Variants in ITFG1 observed in about 807,000 individuals in gnomAD.
The protein encoded by ITFG1 is integrin alpha FG-GAP repeat containing 1.
Under a neutral mutation model 81.8 loss-of-function variants are expected in ITFG1, and 34 were observed. The ratio of observed to expected loss-of-function variants is 0.42; its 90% CI spans 0.32 to 0.55. The LOEUF is 0.55. Ranked by LOEUF, ITFG1 falls within the 20% of genes least tolerant of loss-of-function variation. The pLI is 0.17. For missense variants in ITFG1, 672 were observed against 755.4 expected (o/e 0.89, Z 1.29); for synonymous variants, 285 against 270.6 (o/e 1.05, Z -0.52).
chr16:47,457,621 G>A (rs1294075227), intron 2 of ITFG1, among the ~76,000 whole-genome samples: 1 of 151,836 alleles, frequency 6.6e-6, no homozygotes, highest in Non-Finnish European at 1.5e-5. Flanking sequence ...GGAGAATAAG[G>A]GTGAAGAATA....
intron 6 of ITFG1, among the ~76,000 whole-genome samples, chr16:47,385,161 AC>A (rs1857448939): frequency 6.6e-6 from 1 of 152,224 alleles, no homozygotes; most frequent in South Asian, 2.1e-4. Flanking sequence ...CCAACACGTG[AC>A]ATTGTGTTTA....
chr16:47,368,578 AAAAAAAAG>A (rs1968209492), intron 7 of ITFG1, among the ~76,000 whole-genome samples: 1 of 150,526 alleles, frequency 6.6e-6, no homozygotes, highest in South Asian at 2.1e-4. Flanking sequence ...AAAAAAAAAA[AAAAAAAAG>A]ATCACAGCAT....
At chr16:47,445,456 T>C (rs192877200) in intron 5 of ITFG1, among the ~76,000 whole-genome samples, 50 of 152,274 alleles carry the variant, frequency 3.3e-4, no homozygotes, top group Non-Finnish European at 6.3e-4. Context: ...ATTCTAGAAG[T>C]TGACATGCTT....
chr16:47,185,750 A>G (rs1184846854), intron 14 of ITFG1, among the ~76,000 whole-genome samples: 13 of 152,240 alleles, frequency 8.5e-5, no homozygotes, highest in African/African-American at 2.7e-4. Context: ...GGTAAGAAAT[A>G]ACTAAAATCA....
At chr16:47,207,912 C>T (rs750569703) in intron 14 of ITFG1, among the ~76,000 whole-genome samples, 2 of 151,958 alleles carry the variant, frequency 1.3e-5, no homozygotes, top group African/African-American at 4.8e-5. Context: ...TAAATGCTTA[C>T]GAGATGAATT....
chr16:47,289,164 G>A (rs1026624601), intron 10 of ITFG1, among the ~76,000 whole-genome samples: 7 of 152,114 alleles, frequency 4.6e-5, no homozygotes, highest in African/African-American at 1.7e-4. Flanking sequence ...TTATTGAATT[G>A]TATAGTTTAG....
chr16:47,299,817 C>G (rs540716943), intron 10 of ITFG1: 8 of 152,366 alleles, frequency 5.3e-5, no homozygotes, highest in African/African-American at 1.9e-4. Context: ...CTGTGGCTCC[C>G]AGGTGAAACC....
At chr16:47,264,735 C>A (rs1398189515) in intron 10 of ITFG1, among the ~76,000 whole-genome samples, 1 of 152,092 alleles carries the variant, frequency 6.6e-6, no homozygotes, top group Non-Finnish European at 1.5e-5. Context: ...TTATTTCCAA[C>A]AATGTATGAG....
chr16:47,355,942 G>A (rs188270584), intron 8 of ITFG1, among the ~76,000 whole-genome samples: 1 of 152,276 alleles, frequency 6.6e-6, no homozygotes, highest in Admixed American at 6.5e-5. Flanking sequence ...AAAACACATG[G>A]TTCTAAAAGC....
intron 10 of ITFG1, chr16:47,263,121 T>G (rs1435580672): frequency 4.0e-6 from 1 of 248,588 alleles, no homozygotes; most frequent in Non-Finnish European, 8.6e-6. Context: ...GCCTCCAAGC[T>G]GCCTGACAAC....
At chr16:47,322,970 G>C (rs1405647668) in intron 8 of ITFG1, among the ~76,000 whole-genome samples, 2 of 148,482 alleles carry the variant, frequency 1.3e-5, no homozygotes, top group African/African-American at 2.6e-5. Context: ...TTATTGTTCT[G>C]ATTGATATAA....
chr16:47,336,001 T>C (rs573919145), intron 8 of ITFG1, among the ~76,000 whole-genome samples: 43 of 152,350 alleles, frequency 2.8e-4, no homozygotes, highest in African/African-American at 1.0e-3. Context: ...AAATGTCATA[T>C]ACTCATACAA....
chr16:47,221,877 T>G (rs1169221617), intron 13 of ITFG1, among the ~76,000 whole-genome samples: 1 of 152,206 alleles, frequency 6.6e-6, no homozygotes, highest in Non-Finnish European at 1.5e-5. Flanking sequence ...TGCGTAGAGG[T>G]GTTTGTAGTA....
chr16:47,339,750 T>C (rs1967756658), intron 8 of ITFG1, among the ~76,000 whole-genome samples: 4 of 152,016 alleles, frequency 2.6e-5, no homozygotes, highest in African/African-American at 9.7e-5. Context: ...TGGATCACCA[T>C]ATGCATTATA....
chr16:47,205,073 A>T (rs1965476200), intron 14 of ITFG1, among the ~76,000 whole-genome samples: 1 of 152,226 alleles, frequency 6.6e-6, no homozygotes, highest in African/African-American at 2.4e-5. Flanking sequence ...TACTATTTAC[A>T]TAGGAAGGTG....
At chr16:47,282,473 T>TA (rs1450512698) in intron 10 of ITFG1, among the ~76,000 whole-genome samples, 6 of 152,154 alleles carry the variant, frequency 3.9e-5, no homozygotes, top group African/African-American at 1.4e-4. Context: ...GATATATATA[T>TA]TTTTTTATCC....
chr16:47,461,180 C>T, upstream of ITFG1: 2 of 993,040 alleles, frequency 2.0e-6, no homozygotes, highest in Non-Finnish European at 2.9e-6. Context: ...TTTTCTCTCT[C>T]CCACTAGGGC....
At chr16:47,324,205 T>C (rs1967493847) in intron 8 of ITFG1, among the ~76,000 whole-genome samples, 1 of 152,044 alleles carries the variant, frequency 6.6e-6, no homozygotes, top group African/African-American at 2.4e-5. Context: ...GAAAAGAATT[T>C]TCAACCCAGA....
At chr16:47,410,281 A>G (rs1212261554) in intron 6 of ITFG1, among the ~76,000 whole-genome samples, 1 of 152,154 alleles carries the variant, frequency 6.6e-6, no homozygotes, top group Non-Finnish European at 1.5e-5. Context: ...TCTCTAAAAA[A>G]AGAAAACCCT....
Sources: gnomAD v4.1 joint callset for allele counts (sites outside exome capture counted in the v4.1 genomes callset) on GRCh38, gnomAD v4.1.1 for gene constraint, MANE v1.5 for transcripts, NCBI Gene and HGNC (gene_info 2026-07-23, HGNC 2026-07-21) for gene names.